The following ELP4 variants were observed in gnomAD, a reference collection of about 807,000 sequenced individuals.
The protein encoded by ELP4 is elongator complex protein 4.
A neutral mutation model predicts 48.9 loss-of-function variants in ELP4; 51 were observed. That is an observed-to-expected ratio of 1.04 (90% CI 0.83 to 1.32). The LOEUF is 1.32. Among genes scored for constraint, ELP4 ranks in the 40% most tolerant of loss-of-function variants. The pLI is 0.00. For missense variants in ELP4, 519 were observed against 514.6 expected (o/e 1.01, Z -0.08); for synonymous variants, 210 against 189.2 (o/e 1.11, Z -0.90).
At chr11:31,600,797 C>T (rs1485822346) in intron 4 of ELP4, among the ~76,000 whole-genome samples, 2 of 152,044 alleles carry the variant, frequency 1.3e-5, no homozygotes, top group Non-Finnish European at 2.9e-5. Flanking sequence ...ATAATAACAA[C>T]AGTAAGAAAA....
intron 9 of ELP4, among the ~76,000 whole-genome samples, chr11:31,691,474 G>T (rs1163602062): frequency 6.6e-6 from 1 of 151,830 alleles, no homozygotes; most frequent in Non-Finnish European, 1.5e-5. Context: ...ATGTTTTGTG[G>T]ATGAGTTTTA....
In ELP4 at chr11:31,789,860, C is replaced by T; in HGVS notation, c.*6336C>T. 7.4e-7 allele frequency: 1 copy of T among 1,347,378 alleles called. No homozygotes were observed. The allele number at this position is 1,347,378 out of a possible 1,614,324, so 83.5% of individuals were successfully genotyped here. ...CATTTTTCTTTCTTTCCTGAAAGCT[C>T]AACTGTTGTGTCCCCATAGTCACTG... On this transcript the variant is annotated 3_prime_UTR_variant, in exon 10 of 10. Transcript: ENST00000640961.
intron 9 of ELP4, among the ~76,000 whole-genome samples, chr11:31,669,711 G>A (rs1945766456): frequency 6.6e-6 from 1 of 152,086 alleles, no homozygotes; most frequent in African/African-American, 2.4e-5. Flanking sequence ...AACATATGTG[G>A]AATGAGTGGA....
At chr11:31,543,201 G>T (rs1956621476) in intron 3 of ELP4, among the ~76,000 whole-genome samples, 1 of 152,192 alleles carries the variant, frequency 6.6e-6, no homozygotes, top group African/African-American at 2.4e-5. Context: ...GGGAGAAGGA[G>T]TAGTACACAA....
chr11:31,629,436 G>C (rs1944813017), intron 6 of ELP4, among the ~76,000 whole-genome samples: 1 of 151,830 alleles, frequency 6.6e-6, no homozygotes, highest in South Asian at 2.1e-4. Context: ...AAATATAAGT[G>C]AAGTATTATG....
intron 3 of ELP4, among the ~76,000 whole-genome samples, chr11:31,562,791 T>C (rs1957043261): frequency 6.6e-6 from 1 of 152,174 alleles, no homozygotes; most frequent in Non-Finnish European, 1.5e-5. Flanking sequence ...AAAAACTTTT[T>C]ATGCAATATC....
chr11:31,752,707 G>A (rs1431071551), intron 9 of ELP4, among the ~76,000 whole-genome samples: 6 of 151,802 alleles, frequency 4.0e-5, no homozygotes, highest in East Asian at 1.9e-4. Flanking sequence ...GGTGGTGGGC[G>A]CCTGTAGTCC....
intron 9 of ELP4, among the ~76,000 whole-genome samples, chr11:31,759,404 A>G (rs1048058838): frequency 1.3e-5 from 2 of 152,238 alleles, no homozygotes; most frequent in Admixed American, 6.5e-5. Flanking sequence ...TGCTAACATT[A>G]GCCATACCTT....
chr11:31,658,816 T>A (rs1285571973), intron 9 of ELP4, among the ~76,000 whole-genome samples: 1 of 152,056 alleles, frequency 6.6e-6, no homozygotes, highest in Admixed American at 6.6e-5. Context: ...TGAATTCATT[T>A]TTCAAATTTC....
chr11:31,662,855 T>C (rs1202699285), intron 9 of ELP4: 5 of 294,676 alleles, frequency 1.7e-5, no homozygotes, highest in Admixed American at 5.1e-5. Context: ...AAGGTTAAAA[T>C]TGGAAGGGAG....
chr11:31,605,678 A>G (rs1957861770), intron 5 of ELP4, among the ~76,000 whole-genome samples: 1 of 152,200 alleles, frequency 6.6e-6, no homozygotes, highest in Admixed American at 6.5e-5. Flanking sequence ...ACCAGCAAGT[A>G]CAGTGTTATT....
rs1181427801 is a variant in ELP4 at position 31,510,024 on chromosome 11, G to A, written c.223+17G>A. 1 of 1,601,978 alleles carries A rather than the reference G, an allele frequency of 6.2e-7. No homozygotes were observed. Among genetic ancestry groups the A allele is most frequent in the Non-Finnish European group, 8.5e-7 (1 of 1,172,984 alleles). On this transcript the variant is annotated intron_variant, in intron 1 of 9. Transcript: ENST00000640961. ...AGCTCTTAGGTCGGTTCAGAGCGGA[G>A]ATCTGGGCTCAGCCGAGGGGAAACT...
chr11:31,547,110 G>C (rs753385535), intron 3 of ELP4, among the ~76,000 whole-genome samples: 3 of 152,134 alleles, frequency 2.0e-5, no homozygotes, highest in African/African-American at 7.2e-5. Flanking sequence ...TGAAAAGCTA[G>C]CAGAAGGCAA....
At chr11:31,658,497 A>T (rs1198540284) in intron 9 of ELP4, among the ~76,000 whole-genome samples, 2 of 151,760 alleles carry the variant, frequency 1.3e-5, no homozygotes, top group Non-Finnish European at 2.9e-5. Context: ...CTAAAATACT[A>T]TTTACTGTTA....
chr11:31,744,728 T>A (rs1947540153), intron 9 of ELP4, among the ~76,000 whole-genome samples: 1 of 152,178 alleles, frequency 6.6e-6, no homozygotes, highest in African/African-American at 2.4e-5. Context: ...TAGGTATTGA[T>A]GGGACGTATC....
At chr11:31,745,079 A>G (rs1490508708) in intron 9 of ELP4, among the ~76,000 whole-genome samples, 1 of 152,254 alleles carries the variant, frequency 6.6e-6, no homozygotes, top group East Asian at 1.9e-4. Context: ...ACTCACAAGC[A>G]TTCTTATACA....
chr11:31,734,718 A>G (rs1053431191), intron 9 of ELP4, among the ~76,000 whole-genome samples: 8 of 152,260 alleles, frequency 5.3e-5, no homozygotes, highest in African/African-American at 1.7e-4. Flanking sequence ...TAAAGCAGAC[A>G]TAAACAAATG....
At chr11:31,735,535 G>C (rs1348900596) in intron 9 of ELP4, among the ~76,000 whole-genome samples, 2 of 152,136 alleles carry the variant, frequency 1.3e-5, no homozygotes, top group Non-Finnish European at 2.9e-5. Flanking sequence ...AAGTCAAATT[G>C]TCCCTGTTTG....
rs1948813968 is a variant in ELP4, at chr11:31,788,218, G to T, written c.*4694G>T. 1 of 226,678 alleles carries T rather than the reference G, an allele frequency of 4.4e-6. No homozygotes were observed. Among genetic ancestry groups the T allele is most frequent in the South Asian group, 1.8e-4 (1 of 5,476 alleles). The allele number at this position is 226,678 out of a possible 1,614,324, so 14.0% of individuals were successfully genotyped here. On this transcript the variant is annotated 3_prime_UTR_variant, in exon 10 of 10. Coordinates refer to ENST00000640961, the MANE Select transcript of ELP4 (RefSeq NM_019040.5). ...TAACAACTGACCAACAATGGGCCCT[G>T]CTTCATAGATTTGGGAATGTTTGGC...
Sources: gnomAD v4.1 joint callset for allele counts (sites outside exome capture counted in the v4.1 genomes callset) on GRCh38, gnomAD v4.1.1 for gene constraint, MANE v1.5 for transcripts, NCBI Gene and HGNC (gene_info 2026-07-23, HGNC 2026-07-21) for gene names.